Variants in NALF1 observed in about 807,000 individuals in gnomAD.
NALF1 encodes NALCN channel auxiliary factor 1, also known as family with sequence similarity 155 member A.
NALF1 carries 3 observed loss-of-function variants against 48.4 expected under a neutral mutation model. The observed-to-expected ratio is 0.06, with a 90% CI of 0.03 to 0.16. NALF1 has a LOEUF of 0.16. Among genes scored for constraint, NALF1 ranks in the 10% least tolerant of loss-of-function variants. NALF1 has a pLI of 1.00. For missense variants in NALF1, 526 were observed against 571.5 expected (o/e 0.92, Z 0.81); for synonymous variants, 262 against 245.7 (o/e 1.07, Z -0.62).
intron 1 of NALF1, among the ~76,000 whole-genome samples, chr13:107,437,331 G>A (rs992838593): frequency 3.9e-5 from 6 of 152,130 alleles, no homozygotes; most frequent in South Asian, 2.1e-4. Context: ...ATGACCTGGC[G>A]GCTTCTTATA....
At chr13:107,358,928 ACT>A (rs768116418) in intron 1 of NALF1, among the ~76,000 whole-genome samples, 38 of 152,250 alleles carry the variant, frequency 2.5e-4, no homozygotes, top group Non-Finnish European at 4.4e-4. Flanking sequence ...TGAAAATGCC[ACT>A]GTTTTTTGTT....
At chr13:107,746,853 T>C (rs1320847971) in intron 1 of NALF1, among the ~76,000 whole-genome samples, 1 of 152,138 alleles carries the variant, frequency 6.6e-6, no homozygotes, top group Admixed American at 6.6e-5. Context: ...TGCAGAAGAA[T>C]GAAACTGGGT....
At chr13:107,677,453 A>C (rs1566440195) in intron 1 of NALF1, among the ~76,000 whole-genome samples, 1 of 152,234 alleles carries the variant, frequency 6.6e-6, no homozygotes, top group African/African-American at 2.4e-5. Flanking sequence ...TCCTCCTAAA[A>C]TTCTGTCCCA....
chr13:107,578,014 T>C (rs1878202078), intron 1 of NALF1, among the ~76,000 whole-genome samples: 1 of 152,174 alleles, frequency 6.6e-6, no homozygotes, highest in Non-Finnish European at 1.5e-5. Context: ...AAGTATCTCC[T>C]GTGGGGTTTC....
chr13:107,429,326 A>C (rs183154111), intron 1 of NALF1, among the ~76,000 whole-genome samples: 1 of 152,168 alleles, frequency 6.6e-6, no homozygotes, highest in East Asian at 1.9e-4. Flanking sequence ...CAGTCTGAAA[A>C]AAAAAAAAAA....
At chr13:107,720,014 C>T (rs1179319587) in intron 1 of NALF1, among the ~76,000 whole-genome samples, 1 of 152,108 alleles carries the variant, frequency 6.6e-6, no homozygotes, top group Non-Finnish European at 1.5e-5. Context: ...TTTGTCACCA[C>T]CCCAATATAC....
In NALF1 at chr13:107,165,587, C is replaced by A. The variant is rs569921686; in HGVS notation, c.*4910G>T. ...TTGTTTCATGCCTTAAGTTTTATTCCAAGGCTAAGAAGATTATCTATACAT... is the reference window on the plus strand; with the variant it reads ...TTGTTTCATGCCTTAAGTTTTATTCAAAGGCTAAGAAGATTATCTATACAT... On this transcript the variant is annotated 3_prime_UTR_variant, in exon 3 of 3. Transcript: ENST00000375915. 6 of 152,178 alleles carry A rather than the reference C, an allele frequency of 3.9e-5. No homozygotes were observed. Among genetic ancestry groups the A allele is most frequent in the Admixed American group, 1.3e-4 (2 of 15,286 alleles). 9.4% of individuals were successfully genotyped at this position (152,178 alleles called of 1,614,324 possible). A position where few individuals can be genotyped will look rare whatever the true frequency, so the allele number is the denominator to read the frequency against.
At chr13:107,367,767 C>T (rs371327074) in intron 1 of NALF1, among the ~76,000 whole-genome samples, 106 of 152,274 alleles carry the variant, frequency 7.0e-4, no homozygotes, top group East Asian at 1.9e-3. Flanking sequence ...GATCATTATC[C>T]GTTGACCATC....
chr13:107,746,196 T>C (rs1056349052), intron 1 of NALF1, among the ~76,000 whole-genome samples: 1 of 152,206 alleles, frequency 6.6e-6, no homozygotes, highest in Non-Finnish European at 1.5e-5. Flanking sequence ...TCTGTCACCT[T>C]GTGAAGAAGG....
intron 1 of NALF1, among the ~76,000 whole-genome samples, chr13:107,510,151 G>A (rs369952783): frequency 1.3e-5 from 2 of 151,980 alleles, no homozygotes; most frequent in South Asian, 2.1e-4. Flanking sequence ...TCCATATCCC[G>A]GTAGAACACC....
chr13:107,709,544 A>G (rs1428835265), intron 1 of NALF1, among the ~76,000 whole-genome samples: 1 of 152,360 alleles, frequency 6.6e-6, no homozygotes, highest in East Asian at 1.9e-4. Flanking sequence ...TGGAAAGGAG[A>G]TAGTCTAGAT....
chr13:107,591,831 C>T (rs1342830987), intron 1 of NALF1, among the ~76,000 whole-genome samples: 1 of 151,966 alleles, frequency 6.6e-6, no homozygotes, highest in Non-Finnish European at 1.5e-5. Context: ...TTTCCCTCAA[C>T]AGTCAACATA....
At chr13:107,699,930 A>G (rs1256690376) in intron 1 of NALF1, among the ~76,000 whole-genome samples, 1 of 152,104 alleles carries the variant, frequency 6.6e-6, no homozygotes, top group Non-Finnish European at 1.5e-5. Flanking sequence ...AAAAATATTA[A>G]TTATGAATAA....
chr13:107,539,200 A>G (rs549889362), intron 1 of NALF1, among the ~76,000 whole-genome samples: 1 of 152,096 alleles, frequency 6.6e-6, no homozygotes, highest in Admixed American at 6.6e-5. Context: ...AGCTCATTCA[A>G]CTTATGATTC....
chr13:107,562,974 T>G (rs777042332), intron 1 of NALF1, among the ~76,000 whole-genome samples: 1 of 152,134 alleles, frequency 6.6e-6, no homozygotes, highest in Non-Finnish European at 1.5e-5. Flanking sequence ...CTTACATGAG[T>G]AGGCTTTTTG....
At chr13:107,368,155 A>C (rs2138961690) in intron 1 of NALF1, among the ~76,000 whole-genome samples, 1 of 152,290 alleles carries the variant, frequency 6.6e-6, no homozygotes, top group South Asian at 2.1e-4. Flanking sequence ...TCTAGGAAAC[A>C]AAGGGTTATT....
rs955900157 is a variant in NALF1, at chr13:107,193,165, C to T, written c.1087+17419G>A. Among the ~76,000 whole-genome samples, 114 of 151,638 alleles carry T rather than the reference C, an allele frequency of 7.5e-4. 1 individual carries two copies. The highest frequency in any genetic ancestry group is 7.1e-4 in the Non-Finnish European group (48 of 67,914). On this transcript the variant is annotated intron_variant, in intron 2 of 2. Transcript: ENST00000375915. ...GAAGGTTTTCCTTATCTTCTTTTGG[C>T]TTATCTGCACTTACTAAATATTTTT...
chr13:107,750,263 C>T (rs868834712), intron 1 of NALF1, among the ~76,000 whole-genome samples: 2 of 152,068 alleles, frequency 1.3e-5, no homozygotes, highest in South Asian at 2.1e-4. Context: ...CACAGGGCAT[C>T]GTCCCTGACT....
intron 1 of NALF1, among the ~76,000 whole-genome samples, chr13:107,411,615 A>G (rs551582901): frequency 6.6e-6 from 1 of 152,138 alleles, no homozygotes; most frequent in Non-Finnish European, 1.5e-5. Flanking sequence ...ACTCTTCACC[A>G]TGCTTCACTA....
Sources: allele counts gnomAD v4.1 joint callset (sites outside exome capture counted in the v4.1 genomes callset), GRCh38; gene constraint gnomAD v4.1.1; transcripts MANE v1.5; gene names NCBI Gene and HGNC (gene_info 2026-07-23, HGNC 2026-07-21).